The following BCAS3 variants were observed in gnomAD, a reference collection of about 807,000 sequenced individuals.
BCAS3 encodes BCAS3 microtubule associated cell migration factor, also known as BCAS4/BCAS3 fusion.
Under a neutral mutation model 116.1 loss-of-function variants are expected in BCAS3, and 53 were observed. The ratio of observed to expected loss-of-function variants is 0.46; its 90% CI spans 0.37 to 0.57. The LOEUF is 0.57. Among genes scored for constraint, BCAS3 ranks in the 20% least tolerant of loss-of-function variants. The probability of loss-of-function intolerance (pLI) is 0.00; values close to 1 mark genes in which losing one functional copy is unlikely to be tolerated. For missense variants in BCAS3, 917 were observed against 1,165.4 expected (o/e 0.79, Z 3.10); for synonymous variants, 391 against 408.2 (o/e 0.96, Z 0.51).
chr17:61,359,500 G>GT (rs71150609), intron 22 of BCAS3, among the ~76,000 whole-genome samples: 119,492 of 142,994 alleles, frequency 0.84, 51,470 homozygotes, highest in East Asian at 0.99. Flanking sequence ...TCAAGGTTTT[G>GT]TTTTTTTTTT....
chr17:61,322,814 GAGAGAGAGAGAGAGAC>G (rs2055363057), intron 22 of BCAS3, among the ~76,000 whole-genome samples: 5 of 130,952 alleles, frequency 3.8e-5, no homozygotes, highest in East Asian at 2.1e-4. Flanking sequence ...GAGAGAGAGA[GAGAGAGAGAGAGAGAC>G]AGAGAGAGAG....
At chr17:60,918,763 G>A (rs1019294174) in intron 12 of BCAS3, among the ~76,000 whole-genome samples, 1 of 150,278 alleles carries the variant, frequency 6.7e-6, no homozygotes, top group Admixed American at 6.6e-5. Context: ...CGCGATCTTG[G>A]CTCACTGCAA....
chr17:60,695,544 A>G (rs1379041570), intron 4 of BCAS3, among the ~76,000 whole-genome samples: 1 of 152,184 alleles, frequency 6.6e-6, no homozygotes, highest in Non-Finnish European at 1.5e-5. Context: ...GTTGTATCAT[A>G]TGGTAATTCT....
chr17:61,057,356 C>A (rs1262642900), intron 19 of BCAS3, among the ~76,000 whole-genome samples: 1 of 152,158 alleles, frequency 6.6e-6, no homozygotes, highest in Admixed American at 6.5e-5. Flanking sequence ...TCCCAGATAA[C>A]CTTACAGATT....
intron 22 of BCAS3, among the ~76,000 whole-genome samples, chr17:61,297,308 G>C (rs1271809896): frequency 6.6e-6 from 1 of 152,182 alleles, no homozygotes; most frequent in African/African-American, 2.4e-5. Context: ...GAGAGAAGGT[G>C]TGTTCACTTT....
In BCAS3 at chr17:61,200,723, G is replaced by C. The variant is rs2080770743; in HGVS notation, c.2425+116159G>C. On this transcript the variant is annotated intron_variant, in intron 22 of 23. Transcript: ENST00000407086. The surrounding 1 kb of genome is among the most constrained non-coding windows in gnomAD (Gnocchi z 5.1). ...TTGCTTCTGTTTCAGCCAAAATTTG[G>C]ATTTTGTTTCTTTGCCACACCCATA... 6.6e-6 allele frequency among the ~76,000 whole-genome samples: 1 copy of C among 152,126 alleles called. No individual in the cohort carries two copies.
intron 13 of BCAS3, among the ~76,000 whole-genome samples, chr17:60,943,779 A>C (rs755060503): frequency 2.0e-5 from 3 of 152,158 alleles, no homozygotes; most frequent in Non-Finnish European, 4.4e-5. Context: ...AACTTTAACA[A>C]ATGTAAAAGA....
At chr17:61,175,462 G>C (rs2079081689) in intron 22 of BCAS3, among the ~76,000 whole-genome samples, 1 of 152,088 alleles carries the variant, frequency 6.6e-6, no homozygotes, top group South Asian at 2.1e-4. Flanking sequence ...CACATATGTG[G>C]TCTGATAAGG....
chr17:60,978,440 C>A (rs934837177), intron 14 of BCAS3, among the ~76,000 whole-genome samples: 2 of 150,062 alleles, frequency 1.3e-5, no homozygotes, highest in African/African-American at 5.1e-5. Context: ...AATTTTCTCC[C>A]ATTTTGTAGG....
chr17:61,376,360 C>T lies in BCAS3; in HGVS notation c.2593+7866C>T, dbSNP rs115191600. Among the ~76,000 whole-genome samples, 1,100 of 152,296 alleles carry T rather than the reference C, an allele frequency of 7.2e-3. 16 individuals are homozygous for T. Among genetic ancestry groups the T allele is most frequent in the African/African-American group, 0.025 (1,037 of 41,556 alleles). ...TCGTGGCTCATAGCCCCATAGGTCA[C>T]ATTCCCTGCTTCCCTACCACACACA... On this transcript the variant is annotated intron_variant, in intron 23 of 23. Transcript: ENST00000407086. This position sits in a 1 kb window ranked among gnomAD's most constrained non-coding sequence, Gnocchi z 4.5.
rs189632300 is a variant in BCAS3, at chr17:61,208,970, A to T, written c.2425+124406A>T. 1.3e-5 allele frequency among the ~76,000 whole-genome samples: 2 copies of T among 152,154 alleles called. No individual in the cohort carries two copies. The highest frequency in any genetic ancestry group is 4.8e-5 in the African/African-American group (2 of 41,542). On this transcript the variant is annotated intron_variant, in intron 22 of 23. Coordinates refer to ENST00000407086, the MANE Select transcript of BCAS3 (RefSeq NM_017679.5). The surrounding 1 kb of genome is among the most constrained non-coding windows in gnomAD (Gnocchi z 4.5). The stretch of plus-strand genomic sequence containing the variant: ...GTTTCAGCAAAAGACACTCAGAATT[A>T]TACCTCTGGTTGGTTCAAAATTGCT...
In BCAS3 at chr17:61,229,996, G is replaced by A. The variant is rs1361386411; in HGVS notation, c.2426-138331G>A. On this transcript the variant is annotated intron_variant, in intron 22 of 23. Coordinates refer to ENST00000407086, the MANE Select transcript of BCAS3 (RefSeq NM_017679.5). This position sits in a 1 kb window ranked among gnomAD's most constrained non-coding sequence, Gnocchi z 4.4. ...AAAAATTAGCCGGGCGTGGTAGCAC[G>A]TGCCTATAGTCCCAGCTACTCAGGA... Among the ~76,000 whole-genome samples the A allele has an allele frequency of 2.6e-5, 4 of 152,156 alleles. No homozygotes were observed. Among genetic ancestry groups the A allele is most frequent in the Non-Finnish European group, 4.4e-5 (3 of 68,022 alleles).
intron 15 of BCAS3, among the ~76,000 whole-genome samples, chr17:61,010,966 GC>G (rs2065072825): frequency 6.6e-6 from 1 of 151,918 alleles, no homozygotes; most frequent in African/African-American, 2.4e-5. Flanking sequence ...GTCTGCTTGT[GC>G]CAGAAATACT....
intron 22 of BCAS3, among the ~76,000 whole-genome samples, chr17:61,174,616 A>T (rs755273266): frequency 6.6e-6 from 1 of 152,218 alleles, no homozygotes; most frequent in Non-Finnish European, 1.5e-5. Flanking sequence ...TGTAATGAAC[A>T]TGAGAGCACA....
Position 61,337,241 on chromosome 17 carries a change from T to C in BCAS3, c.2426-31086T>C, listed in dbSNP as rs57163041. Among the ~76,000 whole-genome samples, 662 of 152,348 alleles carry C rather than the reference T, an allele frequency of 4.3e-3. 8 individuals carry two copies. The highest frequency in any genetic ancestry group is 0.015 in the African/African-American group (627 of 41,586). On this transcript the variant is annotated intron_variant, in intron 22 of 23. Coordinates refer to ENST00000407086, the MANE Select transcript of BCAS3 (RefSeq NM_017679.5). This position sits in a 1 kb window ranked among gnomAD's most constrained non-coding sequence, Gnocchi z 4.8. Reference sequence around the variant, plus strand: ...AACAGGGACGTGAGCCATGTCAGTGTCTGTAAATAGAGGCAGTTGCAGGTT... The same window carrying C: ...AACAGGGACGTGAGCCATGTCAGTGCCTGTAAATAGAGGCAGTTGCAGGTT...
At position 60,910,689 on chromosome 17, in the gene BCAS3, T is replaced by G; in HGVS notation, c.980T>G (p.Val327Gly). 1.2e-6 allele frequency: 2 copies of G among 1,606,360 alleles called. No individual in the cohort carries two copies. The highest frequency in any genetic ancestry group is 1.7e-6 in the Non-Finnish European group (2 of 1,176,542). Residue 327 changes from valine (V) to glycine (G), a missense_variant, in exon 12 of 24, where the codon GTT becomes GGT. Coordinates refer to ENST00000407086, the MANE Select transcript of BCAS3 (RefSeq NM_017679.5). ...ATCACAGTTATTGACACCGAAACCG[T>G]TGGAGAGGGCCAGGTAAGAAGAACT... ...GIITVIDTET[V>G]GEGQVLVSED... is the part of the protein sequence containing the mutation.
chr17:61,173,438 G>C (rs1225033006), intron 22 of BCAS3, among the ~76,000 whole-genome samples: 1 of 133,576 alleles, frequency 7.5e-6, no homozygotes, highest in Non-Finnish European at 1.6e-5. Context: ...GACAAAGCAA[G>C]ACTCTGTCTC....
chr17:61,015,720 G>A, intron 15 of BCAS3, 31 bp from the exon 16 acceptor site: 1 of 1,611,536 alleles, frequency 6.2e-7, no homozygotes, highest in Non-Finnish European at 8.5e-7. Flanking sequence ...ACCTTCCTCA[G>A]TGATGCTTTT....
In BCAS3 at chr17:61,186,372, C is replaced by T. The variant is rs1156613114; in HGVS notation, c.2425+101808C>T. ...ATACGTATAAATGTATACTGCTTAA[C>T]GAAAACATTTTTAACCTGTGTGTTG... On this transcript the variant is annotated intron_variant, in intron 22 of 23. Coordinates refer to ENST00000407086, the MANE Select transcript of BCAS3 (RefSeq NM_017679.5). This position sits in a 1 kb window ranked among gnomAD's most constrained non-coding sequence, Gnocchi z 4.9. 1.3e-5 allele frequency among the ~76,000 whole-genome samples: 2 copies of T among 152,106 alleles called. No homozygotes were observed. The highest frequency in any genetic ancestry group is 2.9e-5 in the Non-Finnish European group (2 of 68,010).
Sources: gnomAD v4.1 joint callset for allele counts (sites outside exome capture counted in the v4.1 genomes callset) on GRCh38, gnomAD v4.1.1 for gene constraint, Gnocchi (gnomAD v3.1) non-coding constraint, MANE v1.5 for transcripts, NCBI Gene and HGNC (gene_info 2026-07-23, HGNC 2026-07-21) for gene names.